Variants in MLLT3 observed in about 807,000 individuals in gnomAD.
MLLT3 encodes the protein protein AF-9.
In MLLT3, 4 loss-of-function variants were observed where a neutral mutation model predicts 53.2. The ratio of observed to expected loss-of-function variants is 0.08; its 90% CI spans 0.04 to 0.17. The LOEUF is 0.17. MLLT3 is among the 10% of genes least tolerant of loss of function. The probability of loss-of-function intolerance (pLI) is 1.00; values close to 1 mark genes in which losing one functional copy is unlikely to be tolerated. For missense variants in MLLT3, 569 were observed against 684.0 expected (o/e 0.83, Z 1.87); for synonymous variants, 283 against 230.6 (o/e 1.23, Z -2.06).
At chr9:20,494,484 C>T (rs10964577) in intron 2 of MLLT3, among the ~76,000 whole-genome samples, 32,527 of 152,040 alleles carry the variant, frequency 0.21, 3,590 homozygotes, top group Middle Eastern at 0.31. Flanking sequence ...TTGAATTTAT[C>T]TCTGGGAATA....
intron 4 of MLLT3, among the ~76,000 whole-genome samples, chr9:20,433,869 C>T (rs1374846494): frequency 6.6e-6 from 1 of 151,774 alleles, no homozygotes; most frequent in African/African-American, 2.4e-5. Flanking sequence ...AATCCCAGCA[C>T]TTTGGAAGGC....
chr9:20,549,789 A>T (rs990250927), intron 2 of MLLT3, among the ~76,000 whole-genome samples: 1 of 152,032 alleles, frequency 6.6e-6, no homozygotes, highest in Non-Finnish European at 1.5e-5. Flanking sequence ...ATACATGAAA[A>T]CTTCTTTCCA....
intron 2 of MLLT3, among the ~76,000 whole-genome samples, chr9:20,549,405 A>T (rs563085941): frequency 6.6e-6 from 1 of 152,300 alleles, no homozygotes; most frequent in African/African-American, 2.4e-5. Flanking sequence ...ACTAACTCAA[A>T]TAGTTCCTAC....
intron 2 of MLLT3, among the ~76,000 whole-genome samples, chr9:20,542,317 C>T (rs1818659270): frequency 6.7e-6 from 1 of 148,418 alleles, no homozygotes; most frequent in Non-Finnish European, 1.5e-5. Flanking sequence ...GTGGCGCAAT[C>T]TCGGCTCACT....
intron 8 of MLLT3, among the ~76,000 whole-genome samples, chr9:20,356,150 C>T (rs1256041237): frequency 6.6e-6 from 1 of 152,118 alleles, no homozygotes; most frequent in Non-Finnish European, 1.5e-5. Flanking sequence ...CTGGAAAAGA[C>T]CGAATACTCC....
chr9:20,462,902 G>A (rs1212144997), intron 2 of MLLT3, among the ~76,000 whole-genome samples: 2 of 152,104 alleles, frequency 1.3e-5, no homozygotes, highest in Non-Finnish European at 2.9e-5. Flanking sequence ...TGGGCAGCAA[G>A]CAGAAAGTGT....
At chr9:20,359,850 G>A (rs527658930) in intron 8 of MLLT3, among the ~76,000 whole-genome samples, 4 of 152,160 alleles carry the variant, frequency 2.6e-5, no homozygotes, top group East Asian at 1.9e-4. Flanking sequence ...GAAATCTGTC[G>A]ACACAAAAAG....
chr9:20,501,757 CAAAAAA>C (rs936828819), intron 2 of MLLT3, among the ~76,000 whole-genome samples: 23 of 18,596 alleles, frequency 1.2e-3, no homozygotes, highest in African/African-American at 3.0e-3. Context: ...GACTCCGTCT[CAAAAAA>C]AAAAAAAAAA....
chr9:20,448,069 T>TTG lies in MLLT3; in HGVS notation c.420+53_420+54insCA. The TTG allele has an allele frequency of 1.9e-6, 3 of 1,556,352 alleles. No individual in the cohort carries two copies. Among genetic ancestry groups the TTG allele is most frequent in the Middle Eastern group, 1.7e-4 (1 of 5,776 alleles). ...AGGAACTAGTTTGTTTGTTTTTTTT[T>TTG]TTGTTGTTGTTGTTTTTTAATAGGA... On this transcript the variant is annotated intron_variant, in intron 4 of 10. Transcript: ENST00000380338. This position sits in a 1 kb window ranked among gnomAD's most constrained non-coding sequence, Gnocchi z 4.0.
At chr9:20,592,538 C>T (rs1263578836) in intron 2 of MLLT3, among the ~76,000 whole-genome samples, 1 of 152,152 alleles carries the variant, frequency 6.6e-6, no homozygotes, top group Non-Finnish European at 1.5e-5. Context: ...CCCCAATGAC[C>T]TCATTTTACC....
At chr9:20,403,118 A>C (rs991832540) in intron 5 of MLLT3, among the ~76,000 whole-genome samples, 4 of 127,366 alleles carry the variant, frequency 3.1e-5, no homozygotes, top group African/African-American at 1.6e-4. Context: ...GCCCCCTTTT[A>C]AAAAAAAAAA....
At chr9:20,510,068 A>G (rs944377508) in intron 2 of MLLT3, among the ~76,000 whole-genome samples, 2 of 152,188 alleles carry the variant, frequency 1.3e-5, no homozygotes, top group Admixed American at 1.3e-4. Flanking sequence ...GACAGGCTAT[A>G]TTAGATAAAT....
chr9:20,555,344 C>G (rs1258523297), intron 2 of MLLT3, among the ~76,000 whole-genome samples: 1 of 152,024 alleles, frequency 6.6e-6, no homozygotes, highest in Admixed American at 6.6e-5. Context: ...TTAATAGAGA[C>G]AGCGTCTCAC....
chr9:20,486,067 G>A (rs866097795), intron 2 of MLLT3, among the ~76,000 whole-genome samples: 15 of 152,124 alleles, frequency 9.9e-5, no homozygotes, highest in Middle Eastern at 6.8e-3. Flanking sequence ...ACTCACACAC[G>A]TTATAGTCAA....
intron 4 of MLLT3, among the ~76,000 whole-genome samples, chr9:20,431,074 T>C (rs1247386131): frequency 1.3e-5 from 2 of 151,988 alleles, no homozygotes; most frequent in East Asian, 1.9e-4. Context: ...GACAAGAAAA[T>C]AGAACAATGA....
intron 2 of MLLT3, among the ~76,000 whole-genome samples, chr9:20,586,413 A>G (rs1286468732): frequency 6.6e-6 from 1 of 151,188 alleles, no homozygotes; most frequent in East Asian, 1.9e-4. Flanking sequence ...AAAAAAAAAA[A>G]GGAGATTGAA....
chr9:20,499,745 G>C (rs1825170372), intron 2 of MLLT3, among the ~76,000 whole-genome samples: 1 of 152,146 alleles, frequency 6.6e-6, no homozygotes, highest in Non-Finnish European at 1.5e-5. Flanking sequence ...TTGTATGACT[G>C]TTTCTTTTAA....
chr9:20,364,570 A>G (rs1191786118), intron 6 of MLLT3, among the ~76,000 whole-genome samples: 1 of 152,194 alleles, frequency 6.6e-6, no homozygotes, highest in Non-Finnish European at 1.5e-5. Flanking sequence ...ACTCCCTACA[A>G]TCTCACATTC....
intron 2 of MLLT3, among the ~76,000 whole-genome samples, chr9:20,458,844 A>G (rs1824038360): frequency 6.6e-6 from 1 of 152,206 alleles, no homozygotes; most frequent in Admixed American, 6.5e-5. Flanking sequence ...GGCCTGGCGC[A>G]TAAGTTCTCA....
Sources: gnomAD v4.1 joint callset for allele counts (sites outside exome capture counted in the v4.1 genomes callset) on GRCh38, gnomAD v4.1.1 for gene constraint, Gnocchi (gnomAD v3.1) non-coding constraint, MANE v1.5 for transcripts, NCBI Gene and HGNC (gene_info 2026-07-23, HGNC 2026-07-21) for gene names.